MAP3K9: variants seen among roughly 807,000 people sequenced by gnomAD.
The protein encoded by MAP3K9 is mitogen-activated protein kinase kinase kinase 9, also known as mixed lineage kinase 1 (tyr and ser/thr specificity).
MAP3K9 carries 46 observed loss-of-function variants against 95.8 expected under a neutral mutation model. The observed-to-expected ratio is 0.48, with a 90% CI of 0.38 to 0.61. MAP3K9 has a LOEUF of 0.61. Among genes scored for constraint, MAP3K9 ranks in the 20% least tolerant of loss-of-function variants. The pLI is 0.00. For missense variants in MAP3K9, 1,296 were observed against 1,474.3 expected, an observed-to-expected ratio of 0.88 and a Z score of 1.98; for synonymous variants, 533 against 593.8, an observed-to-expected ratio of 0.90 and a Z score of 1.49.
chr14:70,767,341 G>A (rs981856883), intron 2 of MAP3K9, among the ~76,000 whole-genome samples: 2 of 135,678 alleles, frequency 1.5e-5, no homozygotes, highest in Non-Finnish European at 3.0e-5. Context: ...CCGAGACTGC[G>A]CCACTGCACT....
chr14:70,809,079 C>T lies in MAP3K9; in HGVS notation c.93G>A (p.Glu31=). Residue 31 remains glutamate (E), a synonymous_variant, in exon 1 of 12, where the codon GAG becomes GAA. Transcript: ENST00000554752. ...GEDGAGAGAE[E]EEEEEEEAAA... Reference sequence around the variant, plus strand: ...CCGCCTCCTCCTCCTCCTCCTCCTCCTCCTCGGCCCCGGCCCCTGCTCCAT... The same window carrying T: ...CCGCCTCCTCCTCCTCCTCCTCCTCTTCCTCGGCCCCGGCCCCTGCTCCAT... 2 of 1,439,158 alleles carry T rather than the reference C, an allele frequency of 1.4e-6. No homozygotes were observed. The highest frequency in any genetic ancestry group is 9.1e-7 in the Non-Finnish European group (1 of 1,103,318). The allele number at this position is 1,439,158 out of a possible 1,614,324, so 89.1% of individuals were successfully genotyped here.
At chr14:70,738,982 A>C (rs2054026230) in intron 7 of MAP3K9, among the ~76,000 whole-genome samples, 2 of 152,212 alleles carry the variant, frequency 1.3e-5, no homozygotes, top group Non-Finnish European at 2.9e-5. Context: ...ATCATAAACG[A>C]GCAAACTAGT....
intron 3 of MAP3K9, among the ~76,000 whole-genome samples, chr14:70,756,237 G>A (rs535583085): frequency 6.6e-6 from 1 of 152,234 alleles, no homozygotes; most frequent in Non-Finnish European, 1.5e-5. Flanking sequence ...AGGTACGAAG[G>A]TACTTGGATA....
chr14:70,802,555 T>A (rs1419594805), intron 1 of MAP3K9, among the ~76,000 whole-genome samples: 1 of 152,242 alleles, frequency 6.6e-6, no homozygotes, highest in Admixed American at 6.5e-5. Context: ...CTGTTCTCTA[T>A]CTTCTTTTTT....
chr14:70,807,434 G>A (rs936400581), intron 1 of MAP3K9, among the ~76,000 whole-genome samples: 1 of 152,144 alleles, frequency 6.6e-6, no homozygotes, highest in Non-Finnish European at 1.5e-5. Flanking sequence ...AGGTTGCAGT[G>A]AGCTGAGATT....
intron 2 of MAP3K9, among the ~76,000 whole-genome samples, chr14:70,799,089 C>A (rs972469627): frequency 1.3e-5 from 2 of 152,182 alleles, no homozygotes; most frequent in African/African-American, 4.8e-5. Flanking sequence ...TAGTTGTTCT[C>A]TCTAAAGGGA....
intron 2 of MAP3K9, among the ~76,000 whole-genome samples, chr14:70,764,407 A>G (rs1214514620): frequency 6.6e-6 from 1 of 151,304 alleles, no homozygotes; most frequent in Non-Finnish European, 1.5e-5. Flanking sequence ...TTTTAACAAA[A>G]AAGTTTAAAA....
chr14:70,798,782 A>T (rs1440499319), intron 2 of MAP3K9, among the ~76,000 whole-genome samples: 1 of 152,094 alleles, frequency 6.6e-6, no homozygotes. Flanking sequence ...CCGGCCCAAA[A>T]GTTTTAATTT....
chr14:70,732,352 C>T (rs2053916743), intron 11 of MAP3K9, among the ~76,000 whole-genome samples, 187 bp downstream of exon 11: 1 of 152,126 alleles, frequency 6.6e-6, no homozygotes, highest in Non-Finnish European at 1.5e-5. Flanking sequence ...CCCTGAGGCA[C>T]AGGTCAGAGA....
At chr14:70,753,382 T>G (rs2054255884) in intron 3 of MAP3K9, among the ~76,000 whole-genome samples, 2 of 152,198 alleles carry the variant, frequency 1.3e-5, no homozygotes, top group South Asian at 4.1e-4. Flanking sequence ...AAACTAGTTT[T>G]CCTCTGCCAA....
chr14:70,739,520 A>T (rs2054036344), intron 7 of MAP3K9, among the ~76,000 whole-genome samples: 1 of 151,788 alleles, frequency 6.6e-6, no homozygotes, highest in African/African-American at 2.4e-5. Flanking sequence ...ACACACACAC[A>T]CACACACTTA....
At chr14:70,791,087 A>T (rs1235111419) in intron 2 of MAP3K9, among the ~76,000 whole-genome samples, 1 of 152,198 alleles carries the variant, frequency 6.6e-6, no homozygotes, top group Non-Finnish European at 1.5e-5. Context: ...GGATGTGGGG[A>T]AGGGAAGATA....
intron 5 of MAP3K9, among the ~76,000 whole-genome samples, chr14:70,745,615 G>A (rs890285396): frequency 4.6e-5 from 7 of 152,082 alleles, no homozygotes; most frequent in African/African-American, 1.7e-4. Context: ...ACGTGCACCT[G>A]TAATCCCAGC....
intron 3 of MAP3K9, among the ~76,000 whole-genome samples, chr14:70,752,386 G>A (rs1288359995): frequency 1.3e-5 from 2 of 152,204 alleles, no homozygotes; most frequent in South Asian, 4.1e-4. Flanking sequence ...GAGTGAGTGG[G>A]TCTGTGGGTA....
chr14:70,745,124 G>A (rs1267426611), intron 5 of MAP3K9, among the ~76,000 whole-genome samples: 1 of 152,154 alleles, frequency 6.6e-6, no homozygotes, highest in East Asian at 1.9e-4. Flanking sequence ...TGGGGTGTGG[G>A]GTGGAACCTG....
intron 9 of MAP3K9, 59 bp downstream of exon 9, chr14:70,735,902 G>A (rs1404154933): frequency 8.7e-6 from 11 of 1,269,092 alleles, no homozygotes; most frequent in Non-Finnish European, 1.2e-6. Flanking sequence ...GTAAGAACAA[G>A]GAAATGGAAG....
At chr14:70,806,591 G>C (rs987979814) in intron 1 of MAP3K9, among the ~76,000 whole-genome samples, 2 of 152,190 alleles carry the variant, frequency 1.3e-5, no homozygotes, top group African/African-American at 4.8e-5. Context: ...CTCTATCCAA[G>C]ATAACTTGTA....
At chr14:70,808,305 T>G (rs1170238719) in intron 1 of MAP3K9, among the ~76,000 whole-genome samples, 4 of 152,114 alleles carry the variant, frequency 2.6e-5, no homozygotes, top group African/African-American at 9.7e-5. Flanking sequence ...CCCATCTCTT[T>G]GAAAGCAAAT....
intron 3 of MAP3K9, among the ~76,000 whole-genome samples, chr14:70,751,431 G>A (rs573344348): frequency 1.6e-4 from 24 of 152,188 alleles, no homozygotes; most frequent in Admixed American, 2.6e-4. Flanking sequence ...AATAGGCCAG[G>A]CATGGTGGCT....
Sources: allele counts gnomAD v4.1 joint callset (sites outside exome capture counted in the v4.1 genomes callset), GRCh38; gene constraint gnomAD v4.1.1; transcripts MANE v1.5; gene names NCBI Gene and HGNC (gene_info 2026-07-23, HGNC 2026-07-21).